Variants in PDE7A observed in about 807,000 individuals in gnomAD.
PDE7A encodes phosphodiesterase 7A.
In PDE7A, 39 loss-of-function variants were observed where a neutral mutation model predicts 64.3. The observed-to-expected ratio is 0.61, with a 90% CI of 0.47 to 0.79. The LOEUF is 0.79. Among genes scored for constraint, PDE7A ranks in the 30% least tolerant of loss-of-function variants. The pLI is 0.00. For missense variants in PDE7A, 470 were observed against 582.8 expected (o/e 0.81, Z 1.99); for synonymous variants, 203 against 206.8 (o/e 0.98, Z 0.16).
intron 3 of PDE7A, chr8:65,771,053 T>C: frequency 2.6e-6 from 1 of 378,424 alleles, no homozygotes; most frequent in Non-Finnish European, 5.2e-6. Flanking sequence ...ACAAAAACAA[T>C]CCAAACCACA....
At chr8:65,778,479 C>T (rs1453797619) in intron 3 of PDE7A, among the ~76,000 whole-genome samples, 1 of 152,138 alleles carries the variant, frequency 6.6e-6, no homozygotes, top group Non-Finnish European at 1.5e-5. Flanking sequence ...CTGTCTGAAC[C>T]ATTCCAATCA....
chr8:65,828,822 G>A (rs1046752503), intron 1 of PDE7A, among the ~76,000 whole-genome samples: 2 of 151,764 alleles, frequency 1.3e-5, no homozygotes, highest in Non-Finnish European at 2.9e-5. Context: ...CCTTTTATTT[G>A]CATTTCCTTT....
At position 65,842,003 on chromosome 8, in the gene PDE7A, C is replaced by A; in HGVS notation, c.-495G>T. 8.2e-6 allele frequency: 2 copies of A among 243,158 alleles called. No individual in the cohort carries two copies. The highest frequency in any genetic ancestry group is 7.8e-6 in the Non-Finnish European group (1 of 128,254). 15.1% of individuals were successfully genotyped at this position (243,158 alleles called of 1,614,324 possible). A position where few individuals can be genotyped will look rare whatever the true frequency, so the allele number is the denominator to read the frequency against. On this transcript the variant is annotated 5_prime_UTR_variant, in exon 1 of 13. Coordinates refer to ENST00000401827, the MANE Select transcript of PDE7A (RefSeq NM_001242318.3). ...CGCCGCCGCCGCCGCCGGAGTCCTG[C>A]TCCTCCCCTCCCCCGGAGCCTGACT...
chr8:65,763,865 T>C (rs1361566528), intron 3 of PDE7A, among the ~76,000 whole-genome samples: 1 of 152,266 alleles, frequency 6.6e-6, no homozygotes, highest in Non-Finnish European at 1.5e-5. Context: ...ACCATTAAAC[T>C]GTATTAAGAT....
intron 1 of PDE7A, among the ~76,000 whole-genome samples, chr8:65,791,149 T>C (rs970309526): frequency 6.6e-6 from 1 of 152,172 alleles, no homozygotes; most frequent in Non-Finnish European, 1.5e-5. Flanking sequence ...ATAATTGAGA[T>C]GAAGATTTAA....
intron 1 of PDE7A, among the ~76,000 whole-genome samples, chr8:65,794,518 A>G (rs1036692982): frequency 5.5e-4 from 84 of 152,336 alleles, no homozygotes; most frequent in African/African-American, 1.9e-3. Context: ...TTAAGGAGAA[A>G]AACACCAATC....
At chr8:65,840,449 A>G (rs1692016438) in intron 1 of PDE7A, among the ~76,000 whole-genome samples, 1 of 152,018 alleles carries the variant, frequency 6.6e-6, no homozygotes, top group African/African-American at 2.4e-5. Flanking sequence ...AAGATACAAT[A>G]TAACTGGAGA....
At position 65,775,034 on chromosome 8, in the gene PDE7A, A is replaced by G. The variant is rs1245649211; in HGVS notation, c.283+4686T>C. ...TCTACATTCAGTTCTGATAAACTGT[A>G]ATTTTTAAGAAAATTTTCTGGATCA... On this transcript the variant is annotated intron_variant, in intron 3 of 12. Coordinates refer to ENST00000401827, the MANE Select transcript of PDE7A (RefSeq NM_001242318.3). Among the ~76,000 whole-genome samples the G allele has an allele frequency of 2.0e-5, 3 of 152,238 alleles. 1 individual carries two copies. Among genetic ancestry groups the G allele is most frequent in the African/African-American group, 7.2e-5 (3 of 41,476 alleles).
chr8:65,794,399 T>C (rs1585923460), intron 1 of PDE7A, among the ~76,000 whole-genome samples: 2 of 152,176 alleles, frequency 1.3e-5, no homozygotes, highest in Admixed American at 1.3e-4. Flanking sequence ...AAAGATACTT[T>C]TTTTAATGAG....
intron 3 of PDE7A, among the ~76,000 whole-genome samples, chr8:65,756,297 T>C (rs956989033): frequency 5.3e-5 from 8 of 152,252 alleles, no homozygotes; most frequent in Non-Finnish European, 4.4e-5. Flanking sequence ...TGCATATTCA[T>C]GTCTTCATCA....
chr8:65,721,118 T>C (rs1054735304), intron 12 of PDE7A, among the ~76,000 whole-genome samples: 2 of 151,798 alleles, frequency 1.3e-5, no homozygotes, highest in African/African-American at 4.9e-5. Flanking sequence ...AGCCTCTCTC[T>C]TGGAGGGCAG....
chr8:65,742,249 G>T (rs967883556), intron 5 of PDE7A, among the ~76,000 whole-genome samples: 5 of 152,222 alleles, frequency 3.3e-5, no homozygotes, highest in Admixed American at 2.0e-4. Flanking sequence ...ATTTTTAGAA[G>T]GTGATCCCAG....
intron 7 of PDE7A, among the ~76,000 whole-genome samples, chr8:65,734,155 C>CTGT (rs1563476456): frequency 2.0e-5 from 3 of 152,126 alleles, no homozygotes; most frequent in African/African-American, 7.2e-5. Context: ...CAAGCCTTAC[C>CTGT]CCCAAAACTT....
Position 65,841,609 on chromosome 8 carries a change from G to T in PDE7A, c.-101C>A. 1 of 436,892 alleles carries T rather than the reference G, an allele frequency of 2.3e-6. No individual in the cohort carries two copies. Among genetic ancestry groups the T allele is most frequent in the Non-Finnish European group, 3.3e-6 (1 of 301,848 alleles). The allele number at this position is 436,892 out of a possible 1,614,324, so 27.1% of individuals were successfully genotyped here. ...GGCTCGGGGGCTCCGGGCCGAGACG[G>T]GGGCAGGGCGGGCGGGGACCGACCC... On this transcript the variant is annotated 5_prime_UTR_variant, in exon 1 of 13. Coordinates refer to ENST00000401827, the MANE Select transcript of PDE7A (RefSeq NM_001242318.3).
At position 65,823,937 on chromosome 8, in the gene PDE7A, GTTCT is replaced by G. The variant is rs72303134; in HGVS notation, c.138+17430_138+17433del. 7.0e-3 allele frequency among the ~76,000 whole-genome samples: 1,072 copies of G among 152,156 alleles called. 12 individuals are homozygous for G. The highest frequency in any genetic ancestry group is 0.025 in the African/African-American group (1,025 of 41,500). ...AAGTTTCCCACAAATATGACAAAAT[GTTCT>G]TTCTCAATACAAAATAATTCAAAAA... On this transcript the variant is annotated intron_variant, in intron 1 of 12. Transcript: ENST00000401827.
intron 1 of PDE7A, chr8:65,788,956 G>T (rs779706939): frequency 7.4e-6 from 12 of 1,611,200 alleles, no homozygotes; most frequent in Admixed American, 5.0e-5. Flanking sequence ...TCAATCAAAA[G>T]CCCGCTGCAT....
At position 65,719,322 on chromosome 8, in the gene PDE7A, G is replaced by T; in HGVS notation, c.1417C>A (p.Gln473Lys). ...AACCGATTTTCCTGAGGTAATAACT[G>T]TGAGTTCAACTCAAATGCAGCATCA... ...DTDAAFELNS[Q>K]LLPQENRLS The change falls in exon 13 of 13, where the codon CAG becomes AAG. Residue 473 changes from glutamine (Q) to lysine (K), a missense_variant. Physicochemically the swap from Gln to Lys is moderately conservative, Grantham distance 53. Coordinates refer to ENST00000401827, the MANE Select transcript of PDE7A (RefSeq NM_001242318.3). 6.2e-7 allele frequency: 1 copy of T among 1,613,904 alleles called. No individual in the cohort carries two copies. Among genetic ancestry groups the T allele is most frequent in the South Asian group, 1.1e-5 (1 of 91,072 alleles).
At chr8:65,809,171 T>C (rs563239785) in intron 1 of PDE7A, among the ~76,000 whole-genome samples, 1 of 152,290 alleles carries the variant, frequency 6.6e-6, no homozygotes, top group East Asian at 1.9e-4. Context: ...TAACACCCAT[T>C]CCTCTTCACA....
chr8:65,776,066 G>A (rs560512856), intron 3 of PDE7A, among the ~76,000 whole-genome samples: 1 of 152,170 alleles, frequency 6.6e-6, no homozygotes, highest in South Asian at 2.1e-4. Context: ...CTAAATCAAT[G>A]TTATTGATTT....
Sources: allele counts gnomAD v4.1 joint callset (sites outside exome capture counted in the v4.1 genomes callset), GRCh38; gene constraint gnomAD v4.1.1; transcripts MANE v1.5; gene names NCBI Gene and HGNC (gene_info 2026-07-23, HGNC 2026-07-21).